Variants in CRLF3 observed in about 807,000 individuals in gnomAD.
CRLF3 encodes cytokine receptor-like factor 3.
A neutral mutation model predicts 55.0 loss-of-function variants in CRLF3; 33 were observed. That is an observed-to-expected ratio of 0.60 (90% CI 0.46 to 0.80). The LOEUF (loss-of-function observed/expected upper bound fraction) is 0.80. Among genes scored for constraint, CRLF3 ranks in the 30% least tolerant of loss-of-function variants. The pLI, the probability that CRLF3 is intolerant of heterozygous loss-of-function variation, is 0.00. For synonymous variants in CRLF3, 238 were observed against 196.8 expected, an observed-to-expected ratio of 1.21 and a Z score of -1.75; for missense variants, 494 against 538.4, an observed-to-expected ratio of 0.92 and a Z score of 0.82.
chr17:30,795,696 G>T lies in CRLF3; in HGVS notation c.603+464C>A, dbSNP rs888500715. On this transcript the variant is annotated intron_variant, in intron 4 of 7. Transcript: ENST00000324238. Reference sequence around the variant, plus strand: ...CACACCTATAATCCCAGCACTTTGGGTGGCCGAGGCGAGTGGGTCACCTGA... The same window carrying T: ...CACACCTATAATCCCAGCACTTTGGTTGGCCGAGGCGAGTGGGTCACCTGA... 3.7e-4 allele frequency among the ~76,000 whole-genome samples: 57 copies of T among 152,066 alleles called. 1 individual carries two copies. The highest frequency in any genetic ancestry group is 1.5e-5 in the Non-Finnish European group (1 of 68,030).
At chr17:30,820,684 C>T (rs181465553) in intron 1 of CRLF3, among the ~76,000 whole-genome samples, 3 of 151,848 alleles carry the variant, frequency 2.0e-5, no homozygotes, top group East Asian at 1.9e-4. Context: ...CCTGGCTATT[C>T]GGGAGGCTGA....
chr17:30,784,675 C>G, intron 7 of CRLF3: 1 of 425,418 alleles, frequency 2.4e-6, no homozygotes, highest in Non-Finnish European at 4.2e-6. Context: ...TACAAAATTA[C>G]CTCCTGTGAA....
intron 1 of CRLF3, among the ~76,000 whole-genome samples, chr17:30,822,430 G>C (rs1324743222): frequency 6.6e-6 from 1 of 152,068 alleles, no homozygotes; most frequent in Non-Finnish European, 1.5e-5. Context: ...TCCCAAAAGA[G>C]ACTCACACTC....
intron 1 of CRLF3, among the ~76,000 whole-genome samples, chr17:30,804,767 T>A (rs149257781): frequency 8.5e-5 from 13 of 152,332 alleles, no homozygotes; most frequent in African/African-American, 2.9e-4. Context: ...TACACAGAAC[T>A]GCCCTTCAAG....
At chr17:30,791,866 GAC>G (rs1370201939) in intron 6 of CRLF3, among the ~76,000 whole-genome samples, 1 of 149,670 alleles carries the variant, frequency 6.7e-6, no homozygotes, top group Admixed American at 6.7e-5. Flanking sequence ...GTGTGTTTGA[GAC>G]ACAGTTTCGC....
At chr17:30,794,361 T>C (rs1056399829) in intron 4 of CRLF3, among the ~76,000 whole-genome samples, 2 of 152,176 alleles carry the variant, frequency 1.3e-5, no homozygotes, top group African/African-American at 2.4e-5. Flanking sequence ...ATATTCTGTA[T>C]GTTAATTAGC....
chr17:30,818,316 T>C (rs542378271), intron 1 of CRLF3, among the ~76,000 whole-genome samples: 2 of 152,320 alleles, frequency 1.3e-5, no homozygotes, highest in Non-Finnish European at 2.9e-5. Flanking sequence ...ATTTAACCTT[T>C]TCTTAGAATA....
rs570366999 is a variant in CRLF3 at position 30,804,999 on chromosome 17, G to A, written c.130-891C>T. 5.3e-5 allele frequency among the ~76,000 whole-genome samples: 8 copies of A among 152,090 alleles called. No homozygotes were observed. In the East Asian group the frequency reaches 5.8e-4, roughly 11 times the overall value. The stretch of plus-strand genomic sequence containing the variant: ...GGAGTTCAAGACCAGCCTGGCCAAC[G>A]TAGTGAAACCCTGTATCTACTAAAA... On this transcript the variant is annotated intron_variant, in intron 1 of 7. Transcript: ENST00000324238.
At chr17:30,797,943 T>C in intron 2 of CRLF3, among the ~76,000 whole-genome samples, 1 of 112,824 alleles carries the variant, frequency 8.9e-6, no homozygotes, top group East Asian at 2.5e-4. Context: ...CCCAGCTATT[T>C]TTTTTTTTTT....
At chr17:30,818,247 C>G (rs1364499008) in intron 1 of CRLF3, among the ~76,000 whole-genome samples, 1 of 151,154 alleles carries the variant, frequency 6.6e-6, no homozygotes, top group Non-Finnish European at 1.5e-5. Context: ...GCGACAAGAG[C>G]GAAACTTCAT....
intron 1 of CRLF3, among the ~76,000 whole-genome samples, chr17:30,821,054 CAA>C (rs534072435): frequency 3.8e-5 from 5 of 131,772 alleles, no homozygotes; most frequent in Non-Finnish European, 6.5e-5. Flanking sequence ...GACTCTGGCT[CAA>C]AAAAAAAAAA....
chr17:30,784,108 T>C lies in CRLF3; in HGVS notation c.*79A>G, dbSNP rs1344328882. Reference sequence around the variant, plus strand: ...TAAGTTAGAGATGAATTCAACTTTTTTTTTAAAGCAATTACAACTACGCTG... The same window carrying C: ...TAAGTTAGAGATGAATTCAACTTTTCTTTTAAAGCAATTACAACTACGCTG... On this transcript the variant is annotated 3_prime_UTR_variant, in exon 8 of 8. Transcript: ENST00000324238. 1 of 1,325,290 alleles carries C rather than the reference T, an allele frequency of 7.5e-7. No individual in the cohort carries two copies. Among genetic ancestry groups the C allele is most frequent in the Non-Finnish European group, 1.0e-6 (1 of 966,552 alleles). The allele number at this position is 1,325,290 out of a possible 1,614,324, so 82.1% of individuals were successfully genotyped here.
Position 30,824,674 on chromosome 17 carries a change from C to G in CRLF3, c.-23G>C, listed in dbSNP as rs759754747. The stretch of plus-strand genomic sequence containing the variant: ...CATCTGGCCGCGCGGCCGGCGAAAC[C>G]TAGCGCGGGTTCCCGACTGCACCGG... On this transcript the variant is annotated 5_prime_UTR_variant, in exon 1 of 8. Coordinates refer to ENST00000324238, the MANE Select transcript of CRLF3 (RefSeq NM_015986.4). The G allele has an allele frequency of 1.3e-6, 2 of 1,582,798 alleles. No homozygotes were observed. The highest frequency in any genetic ancestry group is 1.4e-5 in the African/African-American group (1 of 72,524).
chr17:30,811,895 G>A (rs908717505), intron 1 of CRLF3, among the ~76,000 whole-genome samples: 44 of 148,788 alleles, frequency 3.0e-4, no homozygotes, highest in Non-Finnish European at 5.3e-4. Flanking sequence ...CGGGTCATGA[G>A]GTCAGGAGAT....
Position 30,792,687 on chromosome 17 carries a change from G to A in CRLF3, c.827-115C>T, listed in dbSNP as rs1472774700. 4 of 883,536 alleles carry A rather than the reference G, an allele frequency of 4.5e-6. No homozygotes were observed. In the East Asian group the frequency reaches 7.4e-5, roughly 16 times the overall value. The allele number at this position is 883,536 out of a possible 1,614,324, so 54.7% of individuals were successfully genotyped here. A position where few individuals can be genotyped will look rare whatever the true frequency, so the allele number is the denominator to read the frequency against. On this transcript the variant is annotated intron_variant, in intron 5 of 7. Coordinates refer to ENST00000324238, the MANE Select transcript of CRLF3 (RefSeq NM_015986.4). ...GACTACTCTTAGGGGCCATGGTCAA[G>A]TTCAATAAAATAAAAGATTCCATTA...
intron 1 of CRLF3, among the ~76,000 whole-genome samples, chr17:30,818,503 G>A (rs1421791349): frequency 2.0e-5 from 3 of 149,708 alleles, no homozygotes; most frequent in Non-Finnish European, 4.4e-5. Flanking sequence ...GCCCAGGCTG[G>A]AGTGCAGTGG....
intron 1 of CRLF3, among the ~76,000 whole-genome samples, chr17:30,818,331 A>T (rs1346294749): frequency 6.6e-6 from 1 of 152,152 alleles, no homozygotes; most frequent in Non-Finnish European, 1.5e-5. Context: ...AGAATACTAT[A>T]ATAGGGACAC....
chr17:30,798,671 T>C (rs1428791633), intron 2 of CRLF3, among the ~76,000 whole-genome samples: 1 of 151,912 alleles, frequency 6.6e-6, no homozygotes, highest in Non-Finnish European at 1.5e-5. Flanking sequence ...AAACCCCGTC[T>C]CTACTAAAAA....
chr17:30,786,298 G>C, intron 6 of CRLF3: 1 of 268,508 alleles, frequency 3.7e-6, no homozygotes, highest in Non-Finnish European at 7.0e-6. Flanking sequence ...GAAGTGCGGT[G>C]GTGCGACCTT....
Sources: allele counts gnomAD v4.1 joint callset (sites outside exome capture counted in the v4.1 genomes callset), GRCh38; gene constraint gnomAD v4.1.1; transcripts MANE v1.5; gene names NCBI Gene and HGNC (gene_info 2026-07-23, HGNC 2026-07-21).